The following GSG1L variants were observed in gnomAD, a reference collection of about 807,000 sequenced individuals.
GSG1L encodes the protein germ cell-specific gene 1-like protein.
A neutral mutation model predicts 42.1 loss-of-function variants in GSG1L; 24 were observed. That is an observed-to-expected ratio of 0.57 (90% CI 0.41 to 0.80). The LOEUF (loss-of-function observed/expected upper bound fraction) is 0.80. Ranked by LOEUF, GSG1L falls within the 30% of genes least tolerant of loss-of-function variation. The pLI, the probability that GSG1L is intolerant of heterozygous loss-of-function variation, is 0.00. For missense variants in GSG1L, 445 were observed against 472.2 expected (o/e 0.94, Z 0.53); for synonymous variants, 215 against 203.5 (o/e 1.06, Z -0.48).
At chr16:27,919,839 A>T (rs893142003) in intron 2 of GSG1L, among the ~76,000 whole-genome samples, 2 of 152,240 alleles carry the variant, frequency 1.3e-5, no homozygotes, top group African/African-American at 4.8e-5. Context: ...AAAATAAGAG[A>T]CAGAGTATTT....
Position 27,813,567 on chromosome 16 carries a change from T to A in GSG1L, c.831-6013A>T, listed in dbSNP as rs1313390476. On this transcript the variant is annotated intron_variant, in intron 5 of 6. Coordinates refer to ENST00000447459, the MANE Select transcript of GSG1L (RefSeq NM_001109763.2). ...AAGAGAGGAAGCTGAGCTCCAAGAC[T>A]AGGCTTGCCCATCTTTCTATGACGC... 2.6e-5 allele frequency among the ~76,000 whole-genome samples: 4 copies of A among 152,252 alleles called. No individual in the cohort carries two copies. The East Asian group carries it at 7.7e-4, about 29-fold the overall frequency.
intron 1 of GSG1L, among the ~76,000 whole-genome samples, chr16:28,006,741 T>C (rs920805615): frequency 1.3e-5 from 2 of 152,180 alleles, no homozygotes; most frequent in Non-Finnish European, 2.9e-5. Flanking sequence ...AGAAAACTAA[T>C]ACATTCTGAA....
chr16:27,996,609 A>T (rs1344512235), intron 1 of GSG1L, among the ~76,000 whole-genome samples: 1 of 152,124 alleles, frequency 6.6e-6, no homozygotes, highest in Non-Finnish European at 1.5e-5. Flanking sequence ...CCCACTGCTC[A>T]TCCAGAATAA....
intron 4 of GSG1L, among the ~76,000 whole-genome samples, chr16:27,837,657 G>A (rs984083019): frequency 1.3e-5 from 2 of 152,262 alleles, no homozygotes; most frequent in African/African-American, 4.8e-5. Context: ...GCCCAGCAGA[G>A]ATGAAAGTCC....
intron 4 of GSG1L, among the ~76,000 whole-genome samples, chr16:27,832,994 T>C (rs138657393): frequency 6.6e-6 from 1 of 152,352 alleles, no homozygotes; most frequent in African/African-American, 2.4e-5. Flanking sequence ...CCATTTTTCC[T>C]TTTATGTGTT....
At chr16:27,803,784 T>G (rs142541514) in intron 6 of GSG1L, among the ~76,000 whole-genome samples, 8,926 of 92,012 alleles carry the variant, frequency 0.097, 426 homozygotes, top group East Asian at 0.26. Flanking sequence ...TATATATATA[T>G]ATATATATAT....
intron 6 of GSG1L, among the ~76,000 whole-genome samples, chr16:27,792,357 T>C (rs1305446181): frequency 2.0e-5 from 3 of 152,284 alleles, no homozygotes; most frequent in Non-Finnish European, 2.9e-5. Context: ...CCTGCCACTG[T>C]CTACCACACT....
chr16:27,855,009 C>T (rs967061684), intron 3 of GSG1L, among the ~76,000 whole-genome samples: 7 of 152,158 alleles, frequency 4.6e-5, no homozygotes, highest in African/African-American at 1.7e-4. Flanking sequence ...CTGCAATGAG[C>T]TATGATCATA....
intron 2 of GSG1L, among the ~76,000 whole-genome samples, chr16:27,947,599 A>AAGAAAGGG (rs1401836017): frequency 1.4e-3 from 119 of 86,090 alleles, no homozygotes; most frequent in African/African-American, 5.9e-3. Context: ...GAAAGAAAGA[A>AAGAAAGGG]AAAGAAAGAA....
At chr16:28,003,068 T>C (rs1249410172) in intron 1 of GSG1L, among the ~76,000 whole-genome samples, 1 of 152,190 alleles carries the variant, frequency 6.6e-6, no homozygotes, top group African/African-American at 2.4e-5. Flanking sequence ...GCAAAGAGGC[T>C]GTTGTGAGCG....
intron 2 of GSG1L, among the ~76,000 whole-genome samples, chr16:27,895,525 C>A (rs1162058898): frequency 6.6e-6 from 1 of 152,152 alleles, no homozygotes; most frequent in African/African-American, 2.4e-5. Flanking sequence ...GCAAACCTTT[C>A]CCCATGGTCC....
intron 4 of GSG1L, among the ~76,000 whole-genome samples, 163 bp downstream of exon 4, chr16:27,844,787 C>T (rs573869127): frequency 6.6e-6 from 1 of 152,204 alleles, no homozygotes; most frequent in Admixed American, 6.5e-5. Context: ...TTTGCCAATC[C>T]CTGCCCTGGG....
At chr16:27,818,967 C>T (rs567352677) in intron 5 of GSG1L, among the ~76,000 whole-genome samples, 3 of 152,160 alleles carry the variant, frequency 2.0e-5, no homozygotes, top group South Asian at 4.2e-4. Context: ...AAAGAGACCT[C>T]GGCCGGGCGC....
intron 4 of GSG1L, among the ~76,000 whole-genome samples, chr16:27,843,170 A>G (rs1596549610): frequency 1.3e-5 from 2 of 152,326 alleles, no homozygotes; most frequent in East Asian, 1.9e-4. Context: ...ATGCTCCCCA[A>G]CTACCAGCCC....
intron 3 of GSG1L, among the ~76,000 whole-genome samples, chr16:27,865,772 G>A (rs1018096981): frequency 1.3e-5 from 2 of 151,014 alleles, no homozygotes; most frequent in South Asian, 2.1e-4. Context: ...GTGCAATCAC[G>A]GCTCACTGCA....
At chr16:28,043,828 C>G (rs2141187583) in intron 1 of GSG1L, among the ~76,000 whole-genome samples, 1 of 151,748 alleles carries the variant, frequency 6.6e-6, no homozygotes, top group Middle Eastern at 3.4e-3. Context: ...TCGAGACCAG[C>G]CTGGGCAACA....
chr16:27,990,432 T>C (rs1037666561), intron 1 of GSG1L, among the ~76,000 whole-genome samples: 2 of 152,202 alleles, frequency 1.3e-5, no homozygotes, highest in African/African-American at 4.8e-5. Flanking sequence ...GAAATACTTA[T>C]TATGCCAAGG....
chr16:27,811,627 C>T (rs893810617), intron 5 of GSG1L, among the ~76,000 whole-genome samples: 1 of 152,188 alleles, frequency 6.6e-6, no homozygotes, highest in African/African-American at 2.4e-5. Flanking sequence ...CCATCCTCAG[C>T]TCCCAATTCT....
intron 6 of GSG1L, among the ~76,000 whole-genome samples, chr16:27,793,044 C>T (rs1162998475): frequency 6.6e-6 from 1 of 152,234 alleles, no homozygotes; most frequent in African/African-American, 2.4e-5. Flanking sequence ...GATTCTCAGA[C>T]ATACTTGTCA....
Sources: gnomAD v4.1 joint callset for allele counts (sites outside exome capture counted in the v4.1 genomes callset) on GRCh38, gnomAD v4.1.1 for gene constraint, MANE v1.5 for transcripts, NCBI Gene and HGNC (gene_info 2026-07-23, HGNC 2026-07-21) for gene names.